CFAP61: variants seen among roughly 807,000 people sequenced by gnomAD.
CFAP61 encodes cilia and flagella associated protein 61.
A neutral mutation model predicts 135.6 loss-of-function variants in CFAP61; 107 were observed. The ratio of observed to expected loss-of-function variants is 0.79; its 90% CI spans 0.67 to 0.93. The LOEUF is 0.93. Among genes scored for constraint, CFAP61 ranks in the 40% least tolerant of loss-of-function variants. The pLI is 0.00. For synonymous variants in CFAP61, 575 were observed against 578.5 expected (o/e 0.99, Z 0.09); for missense variants, 1,507 against 1,556.2 (o/e 0.97, Z 0.53).
intron 13 of CFAP61, among the ~76,000 whole-genome samples, chr20:20,182,990 CA>C (rs1363551216): frequency 6.6e-6 from 1 of 152,184 alleles, no homozygotes; most frequent in African/African-American, 2.4e-5. Flanking sequence ...ACCTCCTCCT[CA>C]GGTTCCCCAC....
At chr20:20,177,048 A>G (rs2054685441) in intron 13 of CFAP61, among the ~76,000 whole-genome samples, 1 of 151,962 alleles carries the variant, frequency 6.6e-6, no homozygotes. Flanking sequence ...ACCTTTTATG[A>G]TCTAGTAATT....
At chr20:20,106,209 TACCAGGAA>T (rs2048398427) in intron 8 of CFAP61, among the ~76,000 whole-genome samples, 1 of 151,942 alleles carries the variant, frequency 6.6e-6, no homozygotes, top group Non-Finnish European at 1.5e-5. Flanking sequence ...ACTGGTAGGA[TACCAGGAA>T]GACTGTAATC....
intron 14 of CFAP61, 83 bp from the exon 15 acceptor site, chr20:20,191,259 G>C: frequency 8.9e-7 from 1 of 1,128,184 alleles, no homozygotes. Context: ...ATGTGAACGT[G>C]GTTAAGACCC....
At chr20:20,098,545 G>T in intron 7 of CFAP61, 110 bp from the exon 8 acceptor site, 4 of 937,930 alleles carry the variant, frequency 4.3e-6, no homozygotes, top group Non-Finnish European at 6.2e-6. Flanking sequence ...GGAGGCGGAG[G>T]TTGCGGTGAG....
At chr20:20,126,965 T>C (rs1472564267) in intron 8 of CFAP61, among the ~76,000 whole-genome samples, 1 of 151,670 alleles carries the variant, frequency 6.6e-6, no homozygotes, top group African/African-American at 2.4e-5. Context: ...GAAGATGTTG[T>C]CTTTGAACTC....
intron 8 of CFAP61, among the ~76,000 whole-genome samples, chr20:20,122,141 A>G (rs888416217): frequency 6.9e-6 from 1 of 144,712 alleles, no homozygotes. Flanking sequence ...CCATTGTGTC[A>G]TTCTTTTTTG....
intron 25 of CFAP61, among the ~76,000 whole-genome samples, chr20:20,309,621 G>T (rs1467488580): frequency 6.6e-6 from 1 of 152,176 alleles, no homozygotes; most frequent in African/African-American, 2.4e-5. Flanking sequence ...ACAAATAGGA[G>T]TAGGTTTGCC....
rs574631434 is a variant in CFAP61 at position 20,188,046 on chromosome 20, G to A, written c.1502G>A (p.Arg501His). 34 of 1,614,012 alleles carry A rather than the reference G, an allele frequency of 2.1e-5. No individual in the cohort carries two copies. The highest frequency in any genetic ancestry group is 6.7e-5 in the African/African-American group (5 of 74,916). ...LEDLDRYNKA[R>H]KDPDGTLLQA... ...GACTTAGACCGTTACAACAAGGCTCGCAAAGACCCTGTAAGTACCTGTTGT... is the reference window on the plus strand; with the variant it reads ...GACTTAGACCGTTACAACAAGGCTCACAAAGACCCTGTAAGTACCTGTTGT... Residue 501 changes from arginine (R) to histidine (H), a missense_variant, in exon 14 of 27, where the codon CGC becomes CAC. Physicochemically the swap from Arg to His is conservative, Grantham distance 29. Coordinates refer to ENST00000245957, the MANE Select transcript of CFAP61 (RefSeq NM_015585.4).
In CFAP61 at chr20:20,216,216, G is replaced by A. The variant is rs117931539; in HGVS notation, c.1933-12033G>A. 4.2e-3 allele frequency among the ~76,000 whole-genome samples: 632 copies of A among 152,264 alleles called. 5 individuals are homozygous for A. The highest frequency in any genetic ancestry group is 6.7e-3 in the Non-Finnish European group (458 of 68,018). The stretch of plus-strand genomic sequence containing the variant: ...TGAATGCTACACAGTTATGGGAGGC[G>A]CCAGATGGTGTCATTAACACGAACA... On this transcript the variant is annotated intron_variant, in intron 17 of 26. Transcript: ENST00000245957.
intron 25 of CFAP61, among the ~76,000 whole-genome samples, chr20:20,308,465 G>T (rs1220352248): frequency 6.7e-6 from 1 of 148,706 alleles, no homozygotes; most frequent in Admixed American, 6.8e-5. Flanking sequence ...AAGGGGGCTG[G>T]TGTGGGGGAA....
At chr20:20,216,664 G>T (rs1450303508) in intron 17 of CFAP61, among the ~76,000 whole-genome samples, 1 of 152,180 alleles carries the variant, frequency 6.6e-6, no homozygotes, top group Non-Finnish European at 1.5e-5. Flanking sequence ...AACTACTTCA[G>T]ATATTTTGAA....
chr20:20,304,169 T>G (rs1195736533), intron 25 of CFAP61, among the ~76,000 whole-genome samples: 1 of 152,144 alleles, frequency 6.6e-6, no homozygotes, highest in African/African-American at 2.4e-5. Context: ...CGGCCCAGGC[T>G]GGCTTGGATT....
At chr20:20,126,019 A>G (rs1466895232) in intron 8 of CFAP61, among the ~76,000 whole-genome samples, 5 of 151,778 alleles carry the variant, frequency 3.3e-5, no homozygotes, top group Non-Finnish European at 5.9e-5. Context: ...TTTGTCTGAT[A>G]TAAGAGTAGC....
chr20:20,188,154 C>T, intron 14 of CFAP61, 98 bp downstream of exon 14: 1 of 1,295,224 alleles, frequency 7.7e-7, no homozygotes, highest in East Asian at 2.3e-5. Flanking sequence ...GTTGGAAAAT[C>T]ATATGGCAGG....
intron 24 of CFAP61, among the ~76,000 whole-genome samples, chr20:20,296,791 A>T (rs2055663015): frequency 6.6e-6 from 1 of 152,196 alleles, no homozygotes; most frequent in Admixed American, 6.5e-5. Flanking sequence ...CTAAAGCATA[A>T]AATGTACTGT....
chr20:20,229,665 T>C (rs1413109258), intron 18 of CFAP61, among the ~76,000 whole-genome samples: 6 of 152,226 alleles, frequency 3.9e-5, no homozygotes, highest in Admixed American at 6.5e-5. Flanking sequence ...GTTATTTTGC[T>C]CATTTAACAT....
chr20:20,230,817 AAGTG>A (rs1732144543), intron 18 of CFAP61, among the ~76,000 whole-genome samples: 1 of 152,070 alleles, frequency 6.6e-6, no homozygotes, highest in African/African-American at 2.4e-5. Context: ...TGGCCTCCCA[AAGTG>A]CTAGGATTAC....
intron 13 of CFAP61, among the ~76,000 whole-genome samples, chr20:20,183,490 A>G (rs1348076250): frequency 2.6e-5 from 4 of 152,180 alleles, no homozygotes; most frequent in African/African-American, 9.7e-5. Flanking sequence ...TGAGCTGAGT[A>G]AAAACCTTTT....
At position 20,188,194 on chromosome 20, in the gene CFAP61, A is replaced by G. The variant is rs1270635251; in HGVS notation, c.1512+138A>G. On this transcript the variant is annotated intron_variant, in intron 14 of 26. Transcript: ENST00000245957. ...AGTGGAGGTAGAGTTAGAAGATGGG[A>G]GCAAGAAGAGAAAACTGTGGAGACT... 11 of 836,318 alleles carry G rather than the reference A, an allele frequency of 1.3e-5. No homozygotes were observed. In the East Asian group the frequency reaches 2.9e-4, roughly 22 times the overall value. The allele number at this position is 836,318 out of a possible 1,614,324, so 51.8% of individuals were successfully genotyped here. A position where few individuals can be genotyped will look rare whatever the true frequency, so the allele number is the denominator to read the frequency against.
Sources: gnomAD v4.1 joint callset for allele counts (sites outside exome capture counted in the v4.1 genomes callset) on GRCh38, gnomAD v4.1.1 for gene constraint, MANE v1.5 for transcripts, NCBI Gene and HGNC (gene_info 2026-07-23, HGNC 2026-07-21) for gene names.